SH3GLB1: variants seen among roughly 807,000 people sequenced by gnomAD.
The protein encoded by SH3GLB1 is endophilin-B1.
A neutral mutation model predicts 42.0 loss-of-function variants in SH3GLB1; 17 were observed. That is an observed-to-expected ratio of 0.40 (90% CI 0.28 to 0.61). SH3GLB1 has a LOEUF of 0.61. Ranked by LOEUF, SH3GLB1 falls within the 20% of genes least tolerant of loss-of-function variation. The pLI is 0.36. For synonymous variants in SH3GLB1, 132 were observed against 146.6 expected, an observed-to-expected ratio of 0.90 and a Z score of 0.72; for missense variants, 355 against 426.3, an observed-to-expected ratio of 0.83 and a Z score of 1.47.
chr1:86,708,568 A>G (rs1386595090), intron 1 of SH3GLB1, among the ~76,000 whole-genome samples: 1 of 152,234 alleles, frequency 6.6e-6, no homozygotes, highest in Non-Finnish European at 1.5e-5. Flanking sequence ...AAATTTGTTT[A>G]TAAGCCTTGG....
At chr1:86,741,586 C>T (rs1286473897) in intron 7 of SH3GLB1, among the ~76,000 whole-genome samples, 2 of 152,114 alleles carry the variant, frequency 1.3e-5, no homozygotes, top group Non-Finnish European at 2.9e-5. Context: ...AGATAATTAG[C>T]AGTCATATTA....
chr1:86,737,509 C>T (rs911535374), intron 7 of SH3GLB1, among the ~76,000 whole-genome samples: 8 of 152,146 alleles, frequency 5.3e-5, no homozygotes, highest in Non-Finnish European at 8.8e-5. Flanking sequence ...ACCGAGTTCA[C>T]TGAGGAAAGG....
chr1:86,706,418 GGTGA>G (rs1234613553), intron 1 of SH3GLB1, among the ~76,000 whole-genome samples: 2 of 152,176 alleles, frequency 1.3e-5, no homozygotes, highest in African/African-American at 4.8e-5. Flanking sequence ...AAATCTGCAT[GGTGA>G]GTAATAAGCT....
intron 1 of SH3GLB1, among the ~76,000 whole-genome samples, chr1:86,715,480 A>G (rs1270924258): frequency 6.6e-6 from 1 of 152,144 alleles, no homozygotes; most frequent in Admixed American, 6.5e-5. Flanking sequence ...TAGAATTCAC[A>G]CCATACATTT....
At chr1:86,739,310 C>T (rs771149340) in intron 7 of SH3GLB1, among the ~76,000 whole-genome samples, 16 of 151,938 alleles carry the variant, frequency 1.1e-4, no homozygotes, top group Non-Finnish European at 2.1e-4. Flanking sequence ...AGTTGAGGAA[C>T]GAGGCAAGGA....
chr1:86,734,066 G>A (rs184290743), intron 5 of SH3GLB1, among the ~76,000 whole-genome samples: 62 of 152,238 alleles, frequency 4.1e-4, no homozygotes, highest in African/African-American at 1.5e-3. Flanking sequence ...AGAATCCTTT[G>A]AATGAACCTA....
intron 2 of SH3GLB1, among the ~76,000 whole-genome samples, chr1:86,717,687 G>A (rs1248570306): frequency 6.6e-6 from 1 of 152,198 alleles, no homozygotes; most frequent in Non-Finnish European, 1.5e-5. Flanking sequence ...CTCCCAAAGC[G>A]CTGGGATTAC....
At chr1:86,714,560 A>G (rs1654401427) in intron 1 of SH3GLB1, among the ~76,000 whole-genome samples, 2 of 152,228 alleles carry the variant, frequency 1.3e-5, no homozygotes, top group East Asian at 1.9e-4. Flanking sequence ...ATAGAATTCT[A>G]GAGGATCCTT....
chr1:86,742,110 T>A (rs758031240), intron 7 of SH3GLB1, 98 bp from the exon 8 acceptor site: 14 of 769,974 alleles, frequency 1.8e-5, no homozygotes, highest in Non-Finnish European at 2.4e-5. Flanking sequence ...TCTTTTCCAA[T>A]GTGAAGGTTG....
rs946507265 is a variant in SH3GLB1 at position 86,744,158 on chromosome 1, A to G, written c.*923A>G. The G allele has an allele frequency of 2.6e-5, 4 of 152,224 alleles. No individual in the cohort carries two copies. Among genetic ancestry groups the G allele is most frequent in the African/African-American group, 9.6e-5 (4 of 41,456 alleles). 9.4% of individuals were successfully genotyped at this position (152,224 alleles called of 1,614,324 possible). On this transcript the variant is annotated 3_prime_UTR_variant, in exon 9 of 9. Transcript: ENST00000370558. ...TGAGCTTACTATTAAAACATTGAAA[A>G]TTTATTAATGAACACAGGCTATCTT...
In SH3GLB1 at chr1:86,729,471, A is replaced by G. The variant is rs535075450; in HGVS notation, c.570+5066A>G. Among the ~76,000 whole-genome samples, 8 of 152,298 alleles carry G rather than the reference A, an allele frequency of 5.3e-5. No homozygotes were observed. The South Asian group carries it at 1.4e-3, about 28-fold the overall frequency. Reference sequence around the variant, plus strand: ...TTAATGTGTTTCCATTGTCCTATCTATAGGTAAATGAAAAGCGTGAGGATA... The same window carrying G: ...TTAATGTGTTTCCATTGTCCTATCTGTAGGTAAATGAAAAGCGTGAGGATA... On this transcript the variant is annotated intron_variant, in intron 5 of 8. Transcript: ENST00000370558.
At chr1:86,731,960 G>C (rs1655532757) in intron 5 of SH3GLB1, among the ~76,000 whole-genome samples, 1 of 152,092 alleles carries the variant, frequency 6.6e-6, no homozygotes, top group African/African-American at 2.4e-5. Flanking sequence ...AGCTACTTGG[G>C]AGGCTGAGGC....
At chr1:86,729,960 C>A in intron 5 of SH3GLB1, 1 of 897,058 alleles carries the variant, frequency 1.1e-6, no homozygotes, top group Non-Finnish European at 1.7e-6. Context: ...TGTGTTTAAT[C>A]TATAAATATG....
In SH3GLB1 at chr1:86,722,543, A is replaced by T. The variant is rs1316076642; in HGVS notation, c.347A>T (p.Asn116Ile). The T allele has an allele frequency of 6.3e-7, 1 of 1,586,598 alleles. No individual in the cohort carries two copies. Among genetic ancestry groups the T allele is most frequent in the South Asian group, 1.2e-5 (1 of 85,280 alleles). The change falls in exon 4 of 9, where the codon AAT becomes ATT. Residue 116 changes from asparagine (N) to isoleucine (I), a missense_variant. Physicochemically the swap from Asn to Ile is moderately radical, Grantham distance 149 (BLOSUM62 -3). Coordinates refer to ENST00000370558, the MANE Select transcript of SH3GLB1 (RefSeq NM_016009.5). ...TAAAAACATTTTTCCTTTGCAGGTA[A>T]TGCCCTTATTAAATGTGGAGAAACC... is the stretch of plus-strand genomic sequence containing the variant. ...TEFGPGTAYGNALIKCGETQK... is the reference protein window; with the variant it reads ...TEFGPGTAYGIALIKCGETQK...
At chr1:86,735,272 C>A in intron 7 of SH3GLB1, 93 bp downstream of exon 7, 1 of 734,172 alleles carries the variant, frequency 1.4e-6, no homozygotes, top group South Asian at 1.8e-5. Context: ...ATTAAAGGTT[C>A]TTACTAGCTT....
At chr1:86,729,058 T>A (rs1655366179) in intron 5 of SH3GLB1, among the ~76,000 whole-genome samples, 1 of 152,174 alleles carries the variant, frequency 6.6e-6, no homozygotes. Flanking sequence ...TGCAGATTGT[T>A]TTATGGTATC....
intron 1 of SH3GLB1, among the ~76,000 whole-genome samples, chr1:86,706,502 G>C (rs1452746348): frequency 1.3e-5 from 2 of 152,114 alleles, no homozygotes; most frequent in Non-Finnish European, 2.9e-5. Flanking sequence ...AGCCTTTATA[G>C]TTAAAATAAT....
intron 3 of SH3GLB1, among the ~76,000 whole-genome samples, chr1:86,721,405 A>G (rs1370903008): frequency 6.6e-6 from 1 of 152,184 alleles, no homozygotes; most frequent in Non-Finnish European, 1.5e-5. Flanking sequence ...ATTCAAATGA[A>G]GATCTGTCTG....
intron 5 of SH3GLB1, 174 bp from the exon 6 acceptor site, chr1:86,734,428 G>GA (rs1655674520): frequency 1.8e-6 from 1 of 559,848 alleles, no homozygotes; most frequent in African/African-American, 1.9e-5. Context: ...GAGTAATACA[G>GA]AAAAGCTAAG....
Sources: allele counts gnomAD v4.1 joint callset (sites outside exome capture counted in the v4.1 genomes callset), GRCh38; gene constraint gnomAD v4.1.1; transcripts MANE v1.5; gene names NCBI Gene and HGNC (gene_info 2026-07-23, HGNC 2026-07-21).